The following TMEM129 variants were observed in gnomAD, a reference collection of about 807,000 sequenced individuals.
TMEM129 encodes E3 ubiquitin-protein ligase TM129.
TMEM129 carries 35 observed loss-of-function variants against 34.1 expected under a neutral mutation model. That is an observed-to-expected ratio of 1.03 (90% CI 0.78 to 1.36). The LOEUF (loss-of-function observed/expected upper bound fraction) is 1.36. Ranked by LOEUF, TMEM129 falls within the 40% of genes most tolerant of loss-of-function variation. TMEM129 has a pLI of 0.00. For synonymous variants in TMEM129, 239 were observed against 217.3 expected, an observed-to-expected ratio of 1.10 and a Z score of -0.88; for missense variants, 504 against 512.6, an observed-to-expected ratio of 0.98 and a Z score of 0.16.
rs1214081318 is a variant in TMEM129 at position 1,718,205 on chromosome 4, G to T, written c.627C>A (p.Leu209=). ...LSPDSNLPVQ[L]LTIRVASTNP... ...TGGTGCTGGCCACACGGATGGTGAG[G>T]AGCTGCACGGGCAAGTTCGAGTCTG... Residue 209 remains leucine, a synonymous_variant, in exon 2 of 4, where the codon CTC becomes CTA. Transcript: ENST00000382936. 3 of 1,592,254 alleles carry T rather than the reference G, an allele frequency of 1.9e-6. No individual in the cohort carries two copies. The highest frequency in any genetic ancestry group is 1.1e-5 in the South Asian group (1 of 88,182).
chr4:1,718,181 G>C lies in TMEM129; in HGVS notation c.651C>G (p.Thr217=). 2 of 1,580,106 alleles carry C rather than the reference G, an allele frequency of 1.3e-6. No homozygotes were observed. The highest frequency in any genetic ancestry group is 1.7e-6 in the Non-Finnish European group (2 of 1,163,372). The part of the protein sequence containing the change: ...VQLLTIRVAS[T]NPAVQAFDIW... ...TGTCAAAGGCCTGCACAGCAGGGTT[G>C]GTGCTGGCCACACGGATGGTGAGGA... is the stretch of plus-strand genomic sequence containing the variant. The change falls in exon 2 of 4, where the codon ACC becomes ACG. Residue 217 remains threonine (T), a synonymous_variant. Coordinates refer to ENST00000382936, the MANE Select transcript of TMEM129 (RefSeq NM_001127266.2).
At chr4:1,717,736 A>G in intron 2 of TMEM129, 61 bp from the exon 3 acceptor site, 3 of 1,452,768 alleles carry the variant, frequency 2.1e-6, no homozygotes, top group Non-Finnish European at 2.7e-6. Context: ...GATGGAGGCT[A>G]CACCCCAAGG....
intron 2 of TMEM129, 106 bp from the exon 3 acceptor site, chr4:1,717,781 G>A (rs62285073): frequency 0.24 from 338,536 of 1,402,062 alleles, 42,229 homozygotes; most frequent in Non-Finnish European, 0.26. Flanking sequence ...GGACCAACCA[G>A]GAGAGATGGC....
chr4:1,721,221 T>G lies in TMEM129; in HGVS notation c.-384A>C. On this transcript the variant is annotated 5_prime_UTR_variant, in exon 1 of 4. Coordinates refer to ENST00000382936, the MANE Select transcript of TMEM129 (RefSeq NM_001127266.2). ...TGCATTGAGCACAGGTGGGGAAACT[T>G]AGGCCTGAGCGAGGCCCTGGCCATG... 6.1e-6 allele frequency: 1 copy of G among 164,252 alleles called. No homozygotes were observed. The highest frequency in any genetic ancestry group is 1.3e-5 in the Non-Finnish European group (1 of 76,738). 10.2% of individuals were successfully genotyped at this position (164,252 alleles called of 1,614,324 possible).
At position 1,717,309 on chromosome 4, in the gene TMEM129, G is replaced by A. The variant is rs1717014405; in HGVS notation, c.960C>T (p.Leu320=). 3.9e-6 allele frequency: 6 copies of A among 1,534,864 alleles called. No homozygotes were observed. Among genetic ancestry groups the A allele is most frequent in the Non-Finnish European group, 4.4e-6 (5 of 1,135,394 alleles). Residue 320 remains leucine (L), a synonymous_variant, in exon 4 of 4, where the codon CTC becomes CTT. Coordinates refer to ENST00000382936, the MANE Select transcript of TMEM129 (RefSeq NM_001127266.2). The part of the protein sequence containing the change: ...QQCYCRPMWC[L]TCMGKWFASR... Reference sequence around the variant, plus strand: ...TGGCGAACCACTTGCCCATGCAGGTGAGGCACCACATGGGGCGGCAGTAAC... The same window carrying A: ...TGGCGAACCACTTGCCCATGCAGGTAAGGCACCACATGGGGCGGCAGTAAC...
chr4:1,720,724 C>G lies in TMEM129; in HGVS notation c.114G>C (p.Ser38=), dbSNP rs751061111. 47 of 1,564,566 alleles carry G rather than the reference C, an allele frequency of 3.0e-5. No individual in the cohort carries two copies. Among genetic ancestry groups the G allele is most frequent in the Non-Finnish European group, 4.1e-5 (47 of 1,156,348 alleles). Residue 38 remains serine (S), a synonymous_variant, in exon 1 of 4, where the codon TCG becomes TCC. Coordinates refer to ENST00000382936, the MANE Select transcript of TMEM129 (RefSeq NM_001127266.2). The surrounding 1 kb of genome is among the most constrained non-coding windows in gnomAD (Gnocchi z 4.4). ...CGGCGTCCTCGCTGCCCAGCCAGCC[C>G]GACAGCAGGTTCTGCACCGTGAGCC... ...AAGLTVQNLL[S]GWLGSEDAAF...
chr4:1,717,495 G>GC, intron 3 of TMEM129, 21 bp downstream of exon 3: 1 of 1,507,992 alleles, frequency 6.6e-7, no homozygotes, highest in South Asian at 1.3e-5. Context: ...CATCCACCCG[G>GC]CCCTGGCCCA....
chr4:1,717,465 G>A (rs770781453), intron 3 of TMEM129, 37 bp from the exon 4 acceptor site: 23 of 1,500,448 alleles, frequency 1.5e-5, no homozygotes, highest in Admixed American at 2.1e-5. Flanking sequence ...AGCCCAGGCA[G>A]ACACCCGTGG....
rs1402151568 is a variant in TMEM129, at chr4:1,721,073, C to T, written c.-236G>A. 1.0e-5 allele frequency: 3 copies of T among 287,694 alleles called. No individual in the cohort carries two copies. The highest frequency in any genetic ancestry group is 1.9e-5 in the Non-Finnish European group (3 of 157,338). The allele number at this position is 287,694 out of a possible 1,614,324, so 17.8% of individuals were successfully genotyped here. ...CATGGAGTCCCGCCGCCCGGCCGCC[C>T]GCGGGGCACTCTAGGGCATGGAGTC... On this transcript the variant is annotated 5_prime_UTR_variant, in exon 1 of 4. Coordinates refer to ENST00000382936, the MANE Select transcript of TMEM129 (RefSeq NM_001127266.2).
chr4:1,719,824 G>C (rs1057083888), intron 1 of TMEM129, among the ~76,000 whole-genome samples: 5 of 152,170 alleles, frequency 3.3e-5, no homozygotes, highest in Non-Finnish European at 4.4e-5. Context: ...GGCAGGCCTG[G>C]GCGCCTCCAC....
In TMEM129 at chr4:1,718,585, G is replaced by T. The variant is rs798752; in HGVS notation, c.247C>A (p.Leu83Ile). ...TCAGGGGCCTGGCTGAGGGCGTGGAGCCGCTTTTCTGAAGCCGCAAGGCAC... is the reference window on the plus strand; with the variant it reads ...TCAGGGGCCTGGCTGAGGGCGTGGATCCGCTTTTCTGAAGCCGCAAGGCAC... The part of the protein sequence containing the change: ...GMCLAASEKR[L>I]HALSQAPEAW... Residue 83 changes from leucine to isoleucine, a missense_variant, in exon 2 of 4, where the codon CTC becomes ATC. Leu to Ile is a conservative substitution (Grantham distance 5, BLOSUM62 2). Transcript: ENST00000382936. 0.019 allele frequency: 27,442 copies of T among 1,462,914 alleles called. 433 individuals carry two copies. The highest frequency in any genetic ancestry group is 0.069 in the South Asian group (4,814 of 69,598). The allele number at this position is 1,462,914 out of a possible 1,614,324, so 90.6% of individuals were successfully genotyped here. A position where few individuals can be genotyped will look rare whatever the true frequency, so the allele number is the denominator to read the frequency against.
At position 1,718,498 on chromosome 4, in the gene TMEM129, A is replaced by G. The variant is rs115768485; in HGVS notation, c.334T>C (p.Tyr112His). ...TLPSIACILI[Y>H]YWSRDRWACH... Reference sequence around the variant, plus strand: ...GCCCACCGGTCACGGGACCAGTAGTAGATCAGGATGCAGGCGATGGAGGGG... The same window carrying G: ...GCCCACCGGTCACGGGACCAGTAGTGGATCAGGATGCAGGCGATGGAGGGG... The change falls in exon 2 of 4, where the codon TAC (tyrosine) becomes CAC (histidine). Residue 112 changes from tyrosine (Y) to histidine (H), a missense_variant. Transcript: ENST00000382936. 1.3e-6 allele frequency: 2 copies of G among 1,543,388 alleles called. No homozygotes were observed. The highest frequency in any genetic ancestry group is 2.0e-5 in the Admixed American group (1 of 50,910).
intron 1 of TMEM129, chr4:1,719,144 A>G: frequency 1.1e-6 from 1 of 908,938 alleles, no homozygotes; most frequent in Admixed American, 2.3e-5. Flanking sequence ...GAAGGTCCAA[A>G]TAAGCCATGG....
Position 1,720,793 on chromosome 4 carries a change from G to A in TMEM129, c.45C>T (p.Phe15=), listed in dbSNP as rs1296440024. 2 of 1,595,752 alleles carry A rather than the reference G, an allele frequency of 1.3e-6. No individual in the cohort carries two copies. The highest frequency in any genetic ancestry group is 1.7e-6 in the Non-Finnish European group (2 of 1,172,350). Reference sequence around the variant, plus strand: ...TGGGCGTGAACACGAAGCACACGGCGAACACCAGATAGGCGAGAGTGAAGG... The same window carrying A: ...TGGGCGTGAACACGAAGCACACGGCAAACACCAGATAGGCGAGAGTGAAGG... ...EVTFTLAYLV[F]AVCFVFTPNE... Residue 15 remains phenylalanine, a synonymous_variant, in exon 1 of 4, where the codon TTC becomes TTT. Coordinates refer to ENST00000382936, the MANE Select transcript of TMEM129 (RefSeq NM_001127266.2). The surrounding 1 kb of genome is among the most constrained non-coding windows in gnomAD (Gnocchi z 4.4).
At chr4:1,717,913 G>T in intron 2 of TMEM129, 1 of 682,008 alleles carries the variant, frequency 1.5e-6, no homozygotes, top group Non-Finnish European at 2.4e-6. Context: ...CCAAGAATCT[G>T]GGGGAGGTGG....
rs1717204427 is a variant in TMEM129 at position 1,720,007 on chromosome 4, C to T, written c.205+626G>A. On this transcript the variant is annotated intron_variant, in intron 1 of 3. Transcript: ENST00000382936. This position sits in a 1 kb window ranked among gnomAD's most constrained non-coding sequence, Gnocchi z 4.4. Reference sequence around the variant, plus strand: ...CTCCAGAGGTACCCCCTTGAAATCCCCCTCCAGCCACTGCACACCCCACCT... The same window carrying T: ...CTCCAGAGGTACCCCCTTGAAATCCTCCTCCAGCCACTGCACACCCCACCT... Among the ~76,000 whole-genome samples the T allele has an allele frequency of 6.6e-6, 1 of 151,964 alleles. No homozygotes were observed. Among genetic ancestry groups the T allele is most frequent in the African/African-American group, 2.4e-5 (1 of 41,358 alleles).
rs1416845284 is a variant in TMEM129, at chr4:1,717,266, G to A, written c.1003C>T (p.Arg335Cys). The A allele has an allele frequency of 5.2e-6, 8 of 1,527,796 alleles. No individual in the cohort carries two copies. Among genetic ancestry groups the A allele is most frequent in the Admixed American group, 2.0e-5 (1 of 50,424 alleles). The allele number at this position is 1,527,796 out of a possible 1,614,324, so 94.6% of individuals were successfully genotyped here. A position where few individuals can be genotyped will look rare whatever the true frequency, so the allele number is the denominator to read the frequency against. Residue 335 changes from arginine to cysteine, a missense_variant, in exon 4 of 4, where the codon CGC becomes TGC. Physicochemically the swap from Arg to Cys is radical, Grantham distance 180 (BLOSUM62 -3). Coordinates refer to ENST00000382936, the MANE Select transcript of TMEM129 (RefSeq NM_001127266.2). ...CGGCTGGCCAGCCAGGTGTCAGGGC[G>A]CAGGGGGTCCTGGCGGCTGGCGAAC... is the stretch of plus-strand genomic sequence containing the variant. ...KWFASRQDPL[R>C]PDTWLASRVP...
rs115768485 is a variant in TMEM129 at position 1,718,498 on chromosome 4, A to C, written c.334T>G (p.Tyr112Asp). ...TLPSIACILIYYWSRDRWACH... is the reference protein window; with the variant it reads ...TLPSIACILIDYWSRDRWACH... Reference sequence around the variant, plus strand: ...GCCCACCGGTCACGGGACCAGTAGTAGATCAGGATGCAGGCGATGGAGGGG... The same window carrying C: ...GCCCACCGGTCACGGGACCAGTAGTCGATCAGGATGCAGGCGATGGAGGGG... Residue 112 changes from tyrosine to aspartate, a missense_variant, in exon 2 of 4, where the codon TAC becomes GAC. By Grantham distance (160) the Tyr-to-Asp change is radical (BLOSUM62 -3). Transcript: ENST00000382936. 6.5e-7 allele frequency: 1 copy of C among 1,543,388 alleles called. No homozygotes were observed. The highest frequency in any genetic ancestry group is 2.4e-5 in the East Asian group (1 of 40,884).
rs1020047789 is a variant in TMEM129, at chr4:1,718,629, G to A, written c.206-3C>T. On this transcript the variant is annotated splice_region_variant and splice_polypyrimidine_tract_variant and intron_variant, in intron 1 of 3. Coordinates refer to ENST00000382936, the MANE Select transcript of TMEM129 (RefSeq NM_001127266.2). ...AAGGCACATGCCCACATAGTAGCCT[G>A]CAAAGGACAGGGTGAGCCTCAGGGG... 1 of 1,449,004 alleles carries A rather than the reference G, an allele frequency of 6.9e-7. No homozygotes were observed. Among genetic ancestry groups the A allele is most frequent in the Non-Finnish European group, 9.1e-7 (1 of 1,100,002 alleles). 89.8% of individuals were successfully genotyped at this position (1,449,004 alleles called of 1,614,324 possible).
Sources: gnomAD v4.1 joint callset for allele counts (sites outside exome capture counted in the v4.1 genomes callset) on GRCh38, gnomAD v4.1.1 for gene constraint, Gnocchi (gnomAD v3.1) non-coding constraint, MANE v1.5 for transcripts, NCBI Gene and HGNC (gene_info 2026-07-23, HGNC 2026-07-21) for gene names.